Variants in CPSF2 observed in about 807,000 individuals in gnomAD.
CPSF2 encodes the protein cleavage and polyadenylation specific factor 2.
In CPSF2, 51 loss-of-function variants were observed where a neutral mutation model predicts 84.2. That is an observed-to-expected ratio of 0.61 (90% CI 0.48 to 0.77). CPSF2 has a LOEUF of 0.77. Among genes scored for constraint, CPSF2 ranks in the 30% least tolerant of loss-of-function variants. CPSF2 has a pLI of 0.00. For missense variants in CPSF2, 641 were observed against 929.4 expected (o/e 0.69, Z 4.03); for synonymous variants, 286 against 311.9 (o/e 0.92, Z 0.87).
intron 6 of CPSF2, among the ~76,000 whole-genome samples, chr14:92,137,696 T>G (rs1020810536): frequency 2.0e-5 from 3 of 152,186 alleles, no homozygotes; most frequent in Non-Finnish European, 4.4e-5. Context: ...GAAGCTTTTG[T>G]AAAAAATGTT....
rs1294214846 is a variant in CPSF2 at position 92,157,567 on chromosome 14, A to G, written c.1596-92A>G. ...GATACTATAACATGTGTATTTCTCAAATCCTAGTGTTATATATTGTATACA... is the reference window on the plus strand; with the variant it reads ...GATACTATAACATGTGTATTTCTCAGATCCTAGTGTTATATATTGTATACA... On this transcript the variant is annotated intron_variant, in intron 12 of 15. Coordinates refer to ENST00000298875, the MANE Select transcript of CPSF2 (RefSeq NM_017437.3). The surrounding 1 kb of genome is among the most constrained non-coding windows in gnomAD (Gnocchi z 4.0). The G allele has an allele frequency of 1.3e-5, 10 of 754,350 alleles. No individual in the cohort carries two copies. The East Asian group carries it at 2.4e-4, about 18-fold the overall frequency. 46.7% of individuals were successfully genotyped at this position (754,350 alleles called of 1,614,324 possible).
At chr14:92,152,400 A>AT (rs2141476046) in intron 9 of CPSF2, among the ~76,000 whole-genome samples, 1 of 151,970 alleles carries the variant, frequency 6.6e-6, no homozygotes, top group East Asian at 1.9e-4. Context: ...CAGTGCTGGG[A>AT]TTACAGGTGT....
chr14:92,144,494 G>A (rs2069119394), intron 9 of CPSF2, among the ~76,000 whole-genome samples: 1 of 152,142 alleles, frequency 6.6e-6, no homozygotes, highest in Non-Finnish European at 1.5e-5. Flanking sequence ...GGGACTTTCA[G>A]TTCGTGAACC....
intron 10 of CPSF2, among the ~76,000 whole-genome samples, chr14:92,154,724 A>C (rs1416099260): frequency 6.6e-6 from 1 of 152,184 alleles, no homozygotes; most frequent in African/African-American, 2.4e-5. Flanking sequence ...GTTCTGAGAA[A>C]AGTGTCGTTA....
intron 1 of CPSF2, among the ~76,000 whole-genome samples, chr14:92,124,504 A>C (rs1305312066): frequency 6.6e-6 from 1 of 152,188 alleles, no homozygotes; most frequent in Non-Finnish European, 1.5e-5. Context: ...CTGGGAGAGT[A>C]AATGGTTGGC....
chr14:92,142,168 T>A lies in CPSF2; in HGVS notation c.666T>A (p.Asn222Lys), dbSNP rs1160549286. ...TTTTACATTCTTGTTTTCTAGCAAA[T>A]GTCCTGGAAACACTTCGAGGTGATG... ...RKQRDEQLLT[N>K]VLETLRGDGN... The change falls in exon 8 of 16, where the codon AAT becomes AAA. Residue 222 changes from asparagine to lysine, a missense_variant. This residue lies in a region of CPSF2 where 211 missense variants were observed against 375.7 expected (regional missense o/e 0.56). Transcript: ENST00000298875. 2 of 1,594,732 alleles carry A rather than the reference T, an allele frequency of 1.3e-6. No homozygotes were observed. The highest frequency in any genetic ancestry group is 1.1e-5 in the South Asian group (1 of 89,002).
intron 11 of CPSF2, among the ~76,000 whole-genome samples, chr14:92,155,980 G>A (rs12878662): frequency 0.21 from 32,193 of 151,650 alleles, 3,792 homozygotes; most frequent in East Asian, 0.53. Context: ...ATCCTGTGTG[G>A]AAAATAAAAA....
intron 1 of CPSF2, among the ~76,000 whole-genome samples, chr14:92,124,101 A>T (rs958754438): frequency 6.6e-6 from 1 of 152,228 alleles, no homozygotes; most frequent in Non-Finnish European, 1.5e-5. Context: ...TAGCATACTT[A>T]GGGAGAGTGG....
intron 1 of CPSF2, 58 bp downstream of exon 1, chr14:92,122,186 C>T (rs948356135): frequency 2.4e-5 from 8 of 329,174 alleles, no homozygotes; most frequent in Non-Finnish European, 4.7e-5. Context: ...GCGTCATTGG[C>T]CCTCCGGGAG....
chr14:92,138,586 C>T (rs1278566722), intron 7 of CPSF2, among the ~76,000 whole-genome samples: 2 of 152,012 alleles, frequency 1.3e-5, no homozygotes, highest in Non-Finnish European at 2.9e-5. Context: ...TGCACCACCA[C>T]GCCCAGCTAA....
intron 9 of CPSF2, among the ~76,000 whole-genome samples, chr14:92,149,932 G>T (rs1324409112): frequency 1.3e-5 from 2 of 152,148 alleles, no homozygotes; most frequent in Non-Finnish European, 2.9e-5. Context: ...TGGGATCACA[G>T]GCATGAGTCA....
chr14:92,148,768 T>C (rs1431260207), intron 9 of CPSF2, among the ~76,000 whole-genome samples: 1 of 141,050 alleles, frequency 7.1e-6, no homozygotes, highest in African/African-American at 2.7e-5. Context: ...CAAGGCCTCT[T>C]CTCAAAAAAA....
chr14:92,154,676 A>C, intron 10 of CPSF2, among the ~76,000 whole-genome samples: 1 of 152,214 alleles, frequency 6.6e-6, no homozygotes, highest in Non-Finnish European at 1.5e-5. Context: ...ATAAAGTTGA[A>C]TGTTATTCCA....
intron 14 of CPSF2, among the ~76,000 whole-genome samples, chr14:92,159,802 T>C (rs1016148423): frequency 1.3e-5 from 2 of 152,158 alleles, no homozygotes; most frequent in African/African-American, 4.8e-5. Context: ...AGCTAAGGAA[T>C]GACATATCTT....
At chr14:92,133,368 G>A (rs1432408416) in intron 3 of CPSF2, among the ~76,000 whole-genome samples, 3 of 150,782 alleles carry the variant, frequency 2.0e-5, no homozygotes, top group South Asian at 2.1e-4. Flanking sequence ...GTGGTGAGCC[G>A]GAGATTGCGT....
intron 7 of CPSF2, among the ~76,000 whole-genome samples, chr14:92,139,439 A>C (rs1013953381): frequency 1.3e-5 from 2 of 151,852 alleles, no homozygotes; most frequent in African/African-American, 4.8e-5. Flanking sequence ...AAAAATGAAC[A>C]AAGAGCTAAG....
At chr14:92,135,584 T>C (rs949225671) in intron 6 of CPSF2, 88 bp downstream of exon 6, 4 of 1,395,068 alleles carry the variant, frequency 2.9e-6, no homozygotes, top group East Asian at 4.7e-5. Context: ...GTTTTTGTTT[T>C]GGTTACCAGA....
At position 92,136,167 on chromosome 14, in the gene CPSF2, G is replaced by A. The variant is rs2068996288; in HGVS notation, c.545+671G>A. On this transcript the variant is annotated intron_variant, in intron 6 of 15. Coordinates refer to ENST00000298875, the MANE Select transcript of CPSF2 (RefSeq NM_017437.3). ...TTACTATATAATATTTTGGTGTTTA[G>A]TCTCTTACAGGCTCGTTTTGTTTTA... 3.3e-5 allele frequency among the ~76,000 whole-genome samples: 5 copies of A among 152,290 alleles called. No individual in the cohort carries two copies. The South Asian group carries it at 1.0e-3, about 32-fold the overall frequency.
chr14:92,147,950 A>G (rs902708057), intron 9 of CPSF2, among the ~76,000 whole-genome samples: 3 of 152,234 alleles, frequency 2.0e-5, no homozygotes, highest in Non-Finnish European at 1.5e-5. Flanking sequence ...GTCTTGAACT[A>G]CTGGCCTCAA....
Sources: allele counts gnomAD v4.1 joint callset (sites outside exome capture counted in the v4.1 genomes callset), GRCh38; gene constraint gnomAD v4.1.1; regional missense constraint gnomAD v4.1.1; non-coding constraint Gnocchi (gnomAD v3.1); transcripts MANE v1.5; gene names NCBI Gene and HGNC (gene_info 2026-07-23, HGNC 2026-07-21).